The following SLC9A4 variants were observed in gnomAD, a reference collection of about 807,000 sequenced individuals.
SLC9A4 encodes sodium/hydrogen exchanger 4.
Under a neutral mutation model 67.4 loss-of-function variants are expected in SLC9A4, and 63 were observed. That is an observed-to-expected ratio of 0.93 (90% CI 0.76 to 1.15). The LOEUF is 1.15. SLC9A4 is among the 50% of genes most tolerant of loss of function. The probability of loss-of-function intolerance (pLI) is 0.00; values close to 1 mark genes in which losing one functional copy is unlikely to be tolerated. For synonymous variants in SLC9A4, 393 were observed against 367.2 expected (o/e 1.07, Z -0.80); for missense variants, 1,089 against 987.7 (o/e 1.10, Z -1.38).
At chr2:102,520,255 C>T (rs1685377065) in intron 9 of SLC9A4, among the ~76,000 whole-genome samples, 1 of 152,140 alleles carries the variant, frequency 6.6e-6, no homozygotes, top group South Asian at 2.1e-4. Context: ...TGTAGAGAAG[C>T]ACACACACCA....
chr2:102,487,025 G>C (rs1376230692), intron 2 of SLC9A4, among the ~76,000 whole-genome samples: 1 of 152,190 alleles, frequency 6.6e-6, no homozygotes, highest in African/African-American at 2.4e-5. Flanking sequence ...CTCTCCCCTG[G>C]GGCTGCTTCT....
Position 102,473,730 on chromosome 2 carries a change from C to T in SLC9A4, c.-30C>T, listed in dbSNP as rs755313341. 5 of 1,610,012 alleles carry T rather than the reference C, an allele frequency of 3.1e-6. No homozygotes were observed. The highest frequency in any genetic ancestry group is 4.2e-6 in the Non-Finnish European group (5 of 1,178,458). On this transcript the variant is annotated 5_prime_UTR_variant, in exon 1 of 12. Transcript: ENST00000295269. ...TTCAGATGTGTGGCACACATCCACA[C>T]AGGGGTGTAGGTAGGAGAAGCCCAC...
intron 2 of SLC9A4, among the ~76,000 whole-genome samples, chr2:102,496,957 A>G (rs554349191): frequency 6.6e-6 from 1 of 152,324 alleles, no homozygotes; most frequent in African/African-American, 2.4e-5. Flanking sequence ...AGAGAGTCTC[A>G]CTGTGTTGCC....
intron 11 of SLC9A4, among the ~76,000 whole-genome samples, chr2:102,529,181 AG>A (rs1674729359): frequency 5.3e-5 from 8 of 152,268 alleles, no homozygotes; most frequent in Admixed American, 3.3e-4. Context: ...TCACCATGTC[AG>A]TTCTACATGA....
rs553983939 is a variant in SLC9A4, at chr2:102,521,178, G to A, written c.1818+1223G>A. Among the ~76,000 whole-genome samples the A allele has an allele frequency of 2.6e-5, 4 of 152,302 alleles. No individual in the cohort carries two copies. In the East Asian group the frequency reaches 7.7e-4, roughly 29 times the overall value. ...ACCTGGTACTCAGCCTTTTCCCTAT[G>A]TGGATGAAGGCCAAGTTTAGGGAAA... On this transcript the variant is annotated intron_variant, in intron 9 of 11. Coordinates refer to ENST00000295269, the MANE Select transcript of SLC9A4 (RefSeq NM_001011552.4).
At chr2:102,490,283 T>C (rs914741347) in intron 2 of SLC9A4, among the ~76,000 whole-genome samples, 4 of 152,192 alleles carry the variant, frequency 2.6e-5, no homozygotes, top group East Asian at 1.9e-4. Context: ...ATAGCAGAGA[T>C]TGGGGGGCTG....
intron 10 of SLC9A4, among the ~76,000 whole-genome samples, chr2:102,525,920 G>T (rs893118450): frequency 6.6e-6 from 1 of 152,126 alleles, no homozygotes; most frequent in Non-Finnish European, 1.5e-5. Flanking sequence ...GTCTCGCTCT[G>T]TCACCCAGAC....
Position 102,519,854 on chromosome 2 carries a change from T to C in SLC9A4, c.1722-5T>C. 6.2e-7 allele frequency: 1 copy of C among 1,613,030 alleles called. No individual in the cohort carries two copies. Among genetic ancestry groups the C allele is most frequent in the Non-Finnish European group, 8.5e-7 (1 of 1,179,360 alleles). On this transcript the variant is annotated splice_region_variant and splice_polypyrimidine_tract_variant and intron_variant, in intron 8 of 11. Coordinates refer to ENST00000295269, the MANE Select transcript of SLC9A4 (RefSeq NM_001011552.4). ...TGTTTGTCTCTTCTCCAATAATGAT[T>C]CCAGGGCCCAGAGGATACAAGGAAT...
chr2:102,498,738 A>C (rs530502987), intron 2 of SLC9A4, among the ~76,000 whole-genome samples: 1 of 152,356 alleles, frequency 6.6e-6, no homozygotes, highest in East Asian at 1.9e-4. Flanking sequence ...GATTCATTCA[A>C]AATCATATGT....
chr2:102,525,869 G>A (rs1674653036), intron 10 of SLC9A4, among the ~76,000 whole-genome samples: 1 of 152,116 alleles, frequency 6.6e-6, no homozygotes, highest in Admixed American at 6.6e-5. Context: ...GAACAGGTCT[G>A]TGTTCTTCCC....
intron 6 of SLC9A4, among the ~76,000 whole-genome samples, chr2:102,511,540 A>G (rs1203249923): frequency 1.3e-5 from 2 of 152,016 alleles, no homozygotes; most frequent in African/African-American, 4.8e-5. Flanking sequence ...GCCAGTATAG[A>G]CTTCAATAAT....
chr2:102,530,953 A>C (rs1674766763), intron 11 of SLC9A4, among the ~76,000 whole-genome samples: 1 of 152,128 alleles, frequency 6.6e-6, no homozygotes, highest in Non-Finnish European at 1.5e-5. Flanking sequence ...TTCAAGTGTA[A>C]ATCTTTGGGC....
intron 6 of SLC9A4, among the ~76,000 whole-genome samples, chr2:102,511,364 A>T (rs921416662): frequency 3.3e-5 from 5 of 152,184 alleles, no homozygotes; most frequent in African/African-American, 1.2e-4. Flanking sequence ...TATTATTTCG[A>T]CATATTGCAT....
At chr2:102,528,309 A>G (rs1194212321) in intron 11 of SLC9A4, among the ~76,000 whole-genome samples, 1 of 152,032 alleles carries the variant, frequency 6.6e-6, no homozygotes, top group Admixed American at 6.6e-5. Flanking sequence ...AGTCTGGTCG[A>G]TAGTTTAATT....
At chr2:102,521,472 A>G (rs1157241308) in intron 9 of SLC9A4, among the ~76,000 whole-genome samples, 1 of 152,116 alleles carries the variant, frequency 6.6e-6, no homozygotes. Context: ...AAATGGGGAG[A>G]ACACAATTGA....
In SLC9A4 at chr2:102,494,313, C is replaced by A. The variant is rs578168844; in HGVS notation, c.721-9135C>A. Among the ~76,000 whole-genome samples the A allele has an allele frequency of 4.6e-5, 7 of 151,826 alleles. 1 individual carries two copies. Among genetic ancestry groups the A allele is most frequent in the African/African-American group, 1.7e-4 (7 of 41,222 alleles). On this transcript the variant is annotated intron_variant, in intron 2 of 11. Coordinates refer to ENST00000295269, the MANE Select transcript of SLC9A4 (RefSeq NM_001011552.4). ...ATACTGTAAAAAGTTAAGGATGTTA[C>A]TGTAGAGCACCACTAAACATGATGC...
intron 4 of SLC9A4, 74 bp from the exon 5 acceptor site, chr2:102,508,002 CACA>C (rs1340454648): frequency 7.0e-7 from 1 of 1,424,124 alleles, no homozygotes; most frequent in Non-Finnish European, 9.9e-7. Flanking sequence ...GGCACGCGCA[CACA>C]ACCTCAGTTC....
At chr2:102,504,416 T>C (rs1685007232) in intron 3 of SLC9A4, among the ~76,000 whole-genome samples, 1 of 152,224 alleles carries the variant, frequency 6.6e-6, no homozygotes, top group Non-Finnish European at 1.5e-5. Flanking sequence ...CACACAGCCA[T>C]GGCTCTTCAG....
chr2:102,513,729 T>TA (rs1685215349), intron 7 of SLC9A4, among the ~76,000 whole-genome samples: 1 of 152,206 alleles, frequency 6.6e-6, no homozygotes, highest in Admixed American at 6.5e-5. Context: ...ATGGAACACT[T>TA]ATTCAAAAGC....
Sources: gnomAD v4.1 joint callset for allele counts (sites outside exome capture counted in the v4.1 genomes callset) on GRCh38, gnomAD v4.1.1 for gene constraint, MANE v1.5 for transcripts, NCBI Gene and HGNC (gene_info 2026-07-23, HGNC 2026-07-21) for gene names.